The following STK3 variants were observed in gnomAD, a reference collection of about 807,000 sequenced individuals.
STK3 encodes the protein serine/threonine-protein kinase 3.
STK3 carries 41 observed loss-of-function variants against 58.0 expected under a neutral mutation model. The observed-to-expected ratio is 0.71, with a 90% CI of 0.55 to 0.92. STK3 has a LOEUF of 0.92. Among genes scored for constraint, STK3 ranks in the 40% least tolerant of loss-of-function variants. STK3 has a pLI of 0.00. For synonymous variants in STK3, 170 were observed against 191.0 expected (o/e 0.89, Z 0.91); for missense variants, 479 against 602.7 (o/e 0.79, Z 2.15).
intron 3 of STK3, among the ~76,000 whole-genome samples, chr8:98,406,844 T>C (rs1175045807): frequency 1.3e-5 from 2 of 152,226 alleles, no homozygotes; most frequent in Non-Finnish European, 2.9e-5. Context: ...GTCCTTACTT[T>C]CCTTCTTCCT....
chr8:98,909,970 A>G (rs1839066130), intron 1 of STK3, among the ~76,000 whole-genome samples: 1 of 152,214 alleles, frequency 6.6e-6, no homozygotes, highest in South Asian at 2.1e-4. Context: ...CTAGCAGTGT[A>G]TGAGAATTGT....
intron 6 of STK3, among the ~76,000 whole-genome samples, chr8:98,667,397 G>T (rs1404338191): frequency 6.6e-6 from 1 of 152,038 alleles, no homozygotes; most frequent in East Asian, 1.9e-4. Context: ...TCAAATTAAA[G>T]ATTTACTTCT....
At chr8:98,713,664 C>G (rs1184021154) in intron 4 of STK3, among the ~76,000 whole-genome samples, 1 of 152,098 alleles carries the variant, frequency 6.6e-6, no homozygotes, top group Non-Finnish European at 1.5e-5. Context: ...AACTCCAGGA[C>G]CAAAAGGATT....
intron 4 of STK3, among the ~76,000 whole-genome samples, chr8:98,729,847 C>T (rs1422718433): frequency 1.3e-5 from 2 of 152,226 alleles, no homozygotes; most frequent in Admixed American, 1.3e-4. Flanking sequence ...CAAATCCTGG[C>T]AGTCTGGCTC....
Position 98,617,799 on chromosome 8 carries a change from G to T in STK3, c.685-21630C>A, listed in dbSNP as rs1404969334. Among the ~76,000 whole-genome samples, 366 of 151,954 alleles carry T rather than the reference G, an allele frequency of 2.4e-3. 1 individual carries two copies. The highest frequency in any genetic ancestry group is 8.3e-3 in the African/African-American group (342 of 41,454). On this transcript the variant is annotated intron_variant, in intron 6 of 10. Coordinates refer to ENST00000419617, the MANE Select transcript of STK3 (RefSeq NM_006281.4). ...ATCTCTGAATAGACCAATAACAGGA[G>T]CTGAAATTGTGGCAATAATCAATAG...
intron 4 of STK3, among the ~76,000 whole-genome samples, chr8:98,738,191 T>A (rs1332992509): frequency 6.6e-6 from 1 of 152,154 alleles, no homozygotes; most frequent in East Asian, 1.9e-4. Context: ...CTAAAACTTA[T>A]GTGAGGCCAG....
intron 10 of STK3, among the ~76,000 whole-genome samples, chr8:98,485,988 G>A (rs905912066): frequency 6.6e-6 from 1 of 152,168 alleles, no homozygotes; most frequent in South Asian, 2.1e-4. Flanking sequence ...GTAATGTTGC[G>A]TAGATTAAGG....
intron 10 of STK3, among the ~76,000 whole-genome samples, chr8:98,510,735 C>G (rs1203616291): frequency 6.6e-6 from 1 of 152,062 alleles, no homozygotes; most frequent in Non-Finnish European, 1.5e-5. Context: ...ATGCTGTTTG[C>G]TTCAATTTTG....
chr8:98,785,286 G>A (rs929238220), intron 1 of STK3, among the ~76,000 whole-genome samples: 3 of 152,134 alleles, frequency 2.0e-5, no homozygotes, highest in Admixed American at 6.5e-5. Context: ...TAGTGGTGGT[G>A]GGGTGGCAGG....
At chr8:98,412,681 C>T (rs1286583777) in intron 3 of STK3, among the ~76,000 whole-genome samples, 2 of 152,122 alleles carry the variant, frequency 1.3e-5, no homozygotes, top group Non-Finnish European at 2.9e-5. Flanking sequence ...TGCTAATGTC[C>T]GATTTGCAAT....
chr8:98,867,452 G>A (rs1254105531), intron 3 of STK3, among the ~76,000 whole-genome samples: 1 of 152,076 alleles, frequency 6.6e-6, no homozygotes, highest in African/African-American at 2.4e-5. Flanking sequence ...ACTGAGGCTT[G>A]GGATGTTTAT....
chr8:98,930,835 T>G (rs1020014292), intron 1 of STK3, among the ~76,000 whole-genome samples: 1 of 152,310 alleles, frequency 6.6e-6, no homozygotes, highest in Admixed American at 6.5e-5. Flanking sequence ...GTGACCTCTA[T>G]ACTCATGAAA....
At chr8:98,617,948 C>A (rs1817906286) in intron 6 of STK3, among the ~76,000 whole-genome samples, 1 of 152,186 alleles carries the variant, frequency 6.6e-6, no homozygotes, top group South Asian at 2.1e-4. Context: ...AGGGAATCCT[C>A]CCTAACTCAT....
At chr8:98,358,384 T>C in the STK3 span, among the ~76,000 whole-genome samples, 1 of 152,156 alleles carries the variant, frequency 6.6e-6, no homozygotes, top group African/African-American at 2.4e-5. Flanking sequence ...TGAACCCTGC[T>C]GTCCAAAAAA....
intron 10 of STK3, among the ~76,000 whole-genome samples, chr8:98,470,540 A>G (rs1216532867): frequency 6.6e-6 from 1 of 152,242 alleles, no homozygotes; most frequent in African/African-American, 2.4e-5. Flanking sequence ...TATAGTCAGA[A>G]TAGTCAGCTG....
At chr8:98,908,741 G>T (rs529679828) in intron 1 of STK3, among the ~76,000 whole-genome samples, 1 of 150,706 alleles carries the variant, frequency 6.6e-6, no homozygotes, top group South Asian at 2.1e-4. Context: ...TACTCAGGAG[G>T]TTGAGGCAGG....
intron 4 of STK3, among the ~76,000 whole-genome samples, chr8:98,745,129 G>C (rs975110041): frequency 2.0e-5 from 3 of 152,108 alleles, no homozygotes; most frequent in African/African-American, 7.2e-5. Flanking sequence ...CTCTCCAGTG[G>C]TCATGAGTAG....
intron 7 of STK3, among the ~76,000 whole-genome samples, chr8:98,582,423 T>C (rs1263600148): frequency 6.6e-6 from 1 of 152,098 alleles, no homozygotes; most frequent in Non-Finnish European, 1.5e-5. Context: ...TTTGCTTTAT[T>C]GCACCGGAAT....
intron 4 of STK3, among the ~76,000 whole-genome samples, chr8:98,746,485 C>T (rs1450995240): frequency 5.3e-5 from 8 of 152,170 alleles, no homozygotes; most frequent in African/African-American, 1.7e-4. Context: ...TGGTACCACA[C>T]GACTGTGGTT....
Sources: allele counts gnomAD v4.1 joint callset (sites outside exome capture counted in the v4.1 genomes callset), GRCh38; gene constraint gnomAD v4.1.1; transcripts MANE v1.5; gene names NCBI Gene and HGNC (gene_info 2026-07-23, HGNC 2026-07-21).